The following LRRCC1 variants were observed in gnomAD, a reference collection of about 807,000 sequenced individuals.
LRRCC1 encodes leucine rich repeat and coiled-coil centrosomal protein 1.
A neutral mutation model predicts 126.0 loss-of-function variants in LRRCC1; 115 were observed. The observed-to-expected ratio is 0.91, with a 90% confidence interval of 0.78 to 1.07. LRRCC1 has a LOEUF of 1.07. Ranked by LOEUF, LRRCC1 falls within the 50% of genes least tolerant of loss-of-function variation. The probability of loss-of-function intolerance (pLI) is 0.00; values close to 1 mark genes in which losing one functional copy is unlikely to be tolerated. For synonymous variants in LRRCC1, 400 were observed against 393.4 expected (o/e 1.02, Z -0.20); for missense variants, 1,172 against 1,175.7 (o/e 1.00, Z 0.05).
rs370959283 is a variant in LRRCC1, at chr8:85,123,434, G to A, written c.952G>A (p.Val318Ile). The change falls in exon 7 of 19, where the codon GTT becomes ATT. Residue 318 changes from valine to isoleucine, a missense_variant. Coordinates refer to ENST00000360375, the MANE Select transcript of LRRCC1 (RefSeq NM_033402.5). ...TTAGACTTCTAATTCAATAGATAACGTTCTTGAGAAAGACCCCAGACCAAA... is the reference window on the plus strand; with the variant it reads ...TTAGACTTCTAATTCAATAGATAACATTCTTGAGAAAGACCCCAGACCAAA... ...LNETSNSIDN[V>I]LEKDPRPKRD... The A allele has an allele frequency of 8.1e-6, 13 of 1,597,140 alleles. No homozygotes were observed. The highest frequency in any genetic ancestry group is 1.7e-4 in the Middle Eastern group (1 of 6,024).
At chr8:85,139,001 A>ACTG (rs1811064918) in intron 17 of LRRCC1, among the ~76,000 whole-genome samples, 4 of 152,098 alleles carry the variant, frequency 2.6e-5, no homozygotes, top group Non-Finnish European at 5.9e-5. Context: ...AGCTGAGATC[A>ACTG]CACCATTGCA....
chr8:85,141,803 G>A (rs913822272), intron 18 of LRRCC1, among the ~76,000 whole-genome samples: 22 of 152,142 alleles, frequency 1.4e-4, no homozygotes, highest in African/African-American at 5.1e-4. Context: ...TCTTGGATAG[G>A]AGTCTCTTTG....
At chr8:85,136,065 G>GA in intron 14 of LRRCC1, 102 bp downstream of exon 14, 2 of 956,510 alleles carry the variant, frequency 2.1e-6, no homozygotes, top group Non-Finnish European at 2.9e-6. Context: ...AAGATGCCAA[G>GA]AAAAAAGGTG....
rs1313543561 is a variant in LRRCC1 at position 85,126,788 on chromosome 8, G to A, written c.1372G>A (p.Ala458Thr). 1.2e-6 allele frequency: 2 copies of A among 1,612,132 alleles called. No homozygotes were observed. Among genetic ancestry groups the A allele is most frequent in the Non-Finnish European group, 8.5e-7 (1 of 1,179,538 alleles). ...MDYIDELHKH[A>T]NEKEDIHSLA... is the part of the protein sequence containing the mutation. ...TTATATTGATGAGCTGCATAAACAT[G>A]CAAATGAAAAAGAGGATATTCATAG... Residue 458 changes from alanine (A) to threonine (T), a missense_variant, in exon 9 of 19, where the codon GCA becomes ACA. Transcript: ENST00000360375.
chr8:85,129,047 C>T (rs964420135), intron 9 of LRRCC1, 128 bp from the exon 10 acceptor site: 60 of 707,902 alleles, frequency 8.5e-5, no homozygotes, highest in Admixed American at 6.3e-4. Context: ...TTTCATATAG[C>T]ATATCAAACA....
chr8:85,129,824 G>A (rs1483863688), intron 10 of LRRCC1, 95 bp from the exon 11 acceptor site: 21 of 930,798 alleles, frequency 2.3e-5, no homozygotes, highest in South Asian at 9.9e-5. Flanking sequence ...CTTAGTCACC[G>A]GACACTGTCA....
At chr8:85,137,993 T>A in intron 15 of LRRCC1, 42 bp from the exon 16 acceptor site, 1 of 994,182 alleles carries the variant, frequency 1.0e-6, no homozygotes, top group East Asian at 2.6e-5. Flanking sequence ...ATATGAAGCA[T>A]TTAAAGTTAA....
intron 18 of LRRCC1, among the ~76,000 whole-genome samples, chr8:85,143,405 A>AG (rs1811399795): frequency 6.6e-6 from 1 of 152,036 alleles, no homozygotes; most frequent in Non-Finnish European, 1.5e-5. Flanking sequence ...GTTGAGGTTG[A>AG]GGTGGAAGGA....
intron 1 of LRRCC1, among the ~76,000 whole-genome samples, chr8:85,108,237 A>G (rs73261817): frequency 0.041 from 6,190 of 152,316 alleles, 423 homozygotes; most frequent in African/African-American, 0.14. Context: ...TTCTGATTTA[A>G]ACTTTGCCAG....
At chr8:85,113,175 G>C in intron 4 of LRRCC1, 76 bp downstream of exon 4, 3 of 1,134,256 alleles carry the variant, frequency 2.6e-6, no homozygotes, top group South Asian at 2.9e-5. Context: ...ATTGGCATTC[G>C]TGACCTCATT....
At chr8:85,111,207 G>A (rs552025802) in intron 3 of LRRCC1, among the ~76,000 whole-genome samples, 64 of 152,076 alleles carry the variant, frequency 4.2e-4, no homozygotes, top group Non-Finnish European at 6.2e-4. Flanking sequence ...GAGAAACCCC[G>A]TCTCTACTAA....
chr8:85,115,036 T>G, intron 4 of LRRCC1, 64 bp from the exon 5 acceptor site: 1 of 1,312,376 alleles, frequency 7.6e-7, no homozygotes, highest in Admixed American at 2.4e-5. Flanking sequence ...AAATTTAGTT[T>G]ATTCTAGAAA....
intron 10 of LRRCC1, 113 bp from the exon 11 acceptor site, chr8:85,129,805 GA>G: frequency 1.2e-6 from 1 of 800,286 alleles, no homozygotes. Context: ...ATTAAAGTTT[GA>G]AAATCAACTT....
At position 85,135,851 on chromosome 8, in the gene LRRCC1, A is replaced by C; in HGVS notation, c.2217A>C (p.Glu739Asp). 3 of 1,605,530 alleles carry C rather than the reference A, an allele frequency of 1.9e-6. No individual in the cohort carries two copies. The South Asian group carries it at 3.3e-5, about 18-fold the overall frequency. The stretch of plus-strand genomic sequence containing the variant: ...ACAAGCAGAAGAGTATTCAAATAGA[A>C]CTTCTCAAGCACGAAAAAGTCCAGC... ...EDDKQKSIQI[E>D]LLKHEKVQLI... Residue 739 changes from glutamate (E) to aspartate (D), a missense_variant, in exon 14 of 19, where the codon GAA becomes GAC. Coordinates refer to ENST00000360375, the MANE Select transcript of LRRCC1 (RefSeq NM_033402.5).
At position 85,115,220 on chromosome 8, in the gene LRRCC1, G is replaced by A. The variant is rs775767871; in HGVS notation, c.665G>A (p.Gly222Asp). 98 of 1,612,292 alleles carry A rather than the reference G, an allele frequency of 6.1e-5. No individual in the cohort carries two copies. The highest frequency in any genetic ancestry group is 8.1e-5 in the Non-Finnish European group (96 of 1,179,102). Residue 222 changes from glycine (G) to aspartate (D), a missense_variant, in exon 5 of 19, where the codon GGT becomes GAT. By Grantham distance (94) the Gly-to-Asp change is moderately conservative. Transcript: ENST00000360375. ...INSSQLQCLE[G>D]LLDNLVSSDS... ...TCATCACAGCTGCAGTGCCTAGAAG[G>A]TCTTTTGGATAATTTAGTTTCTTCT...
chr8:85,126,647 G>GTACC (rs1448248464), intron 8 of LRRCC1, 42 bp from the exon 9 acceptor site: 1 of 1,569,492 alleles, frequency 6.4e-7, no homozygotes, highest in Non-Finnish European at 8.7e-7. Flanking sequence ...GAGAAGTTAG[G>GTACC]TAACTTTTCT....
rs533343947 is a variant in LRRCC1 at position 85,114,833 on chromosome 8, T to C, written c.545-267T>C. 2.5e-3 allele frequency among the ~76,000 whole-genome samples: 380 copies of C among 152,246 alleles called. 5 individuals are homozygous for C. The highest frequency in any genetic ancestry group is 0.012 in the South Asian group (60 of 4,822). ...TATGCATTATATATTTAAAGTAATT[T>C]TTTAGAGATAGTTATTTTAACTTTT... On this transcript the variant is annotated intron_variant, in intron 4 of 18. Transcript: ENST00000360375.
Position 85,124,898 on chromosome 8 carries a change from A to C in LRRCC1, c.1231A>C (p.Ile411Leu). ...QESEKPKTEIIKVDQSHSEDN... is the reference protein window; with the variant it reads ...QESEKPKTEILKVDQSHSEDN... ...ATCAGAAAAGCCAAAGACTGAAATA[A>C]TTAAAGTAGACCAAAGTCACTCAGA... Residue 411 changes from isoleucine to leucine, a missense_variant, in exon 8 of 19, where the codon ATT becomes CTT. Physicochemically the swap from Ile to Leu is conservative, Grantham distance 5 (BLOSUM62 2). Transcript: ENST00000360375. The C allele has an allele frequency of 3.1e-6, 5 of 1,608,140 alleles. No homozygotes were observed. The highest frequency in any genetic ancestry group is 2.5e-6 in the Non-Finnish European group (3 of 1,177,396).
At chr8:85,140,354 T>A (rs1811172649) in intron 17 of LRRCC1, among the ~76,000 whole-genome samples, 1 of 152,208 alleles carries the variant, frequency 6.6e-6, no homozygotes, top group South Asian at 2.1e-4. Flanking sequence ...TCCTGTAAGG[T>A]TGGCAGAACA....
Sources: allele counts gnomAD v4.1 joint callset (sites outside exome capture counted in the v4.1 genomes callset), GRCh38; gene constraint gnomAD v4.1.1; transcripts MANE v1.5; gene names NCBI Gene and HGNC (gene_info 2026-07-23, HGNC 2026-07-21).